The following FHAD1 variants were observed in gnomAD, a reference collection of about 807,000 sequenced individuals.
The protein encoded by FHAD1 is forkhead-associated domain-containing protein 1.
Under a neutral mutation model 191.3 loss-of-function variants are expected in FHAD1, and 146 were observed. That is an observed-to-expected ratio of 0.76 (90% CI 0.67 to 0.88). FHAD1 has a LOEUF of 0.88. FHAD1 is among the 40% of genes least tolerant of loss of function. The probability of loss-of-function intolerance (pLI) is 0.00; values close to 1 mark genes in which losing one functional copy is unlikely to be tolerated. For synonymous variants in FHAD1, 616 were observed against 672.3 expected, an observed-to-expected ratio of 0.92 and a Z score of 1.29; for missense variants, 1,635 against 1,785.8, an observed-to-expected ratio of 0.92 and a Z score of 1.52.
At chr1:15,245,720 AG>A (rs1316979799), upstream of FHAD1, among the ~76,000 whole-genome samples, 1 of 152,222 alleles carries the variant, frequency 6.6e-6, no homozygotes, top group Non-Finnish European at 1.5e-5. Flanking sequence ...AGAGATTTGT[AG>A]GGACAGGCTC....
rs892795714 is a variant in FHAD1, at chr1:15,302,189, C to T, written c.915+748C>T. Among the ~76,000 whole-genome samples the T allele has an allele frequency of 3.9e-5, 6 of 152,254 alleles. No homozygotes were observed. In the South Asian group the frequency reaches 8.3e-4, roughly 21 times the overall value. ...CCCACAATGCTGTCACTTCAGTAACCGCGTCTCACCCAAATCCAGCCCCAG... is the reference window on the plus strand; with the variant it reads ...CCCACAATGCTGTCACTTCAGTAACTGCGTCTCACCCAAATCCAGCCCCAG... On this transcript the variant is annotated intron_variant, in intron 6 of 33. Coordinates refer to ENST00000688493, the MANE Select transcript of FHAD1 (RefSeq NM_001391957.1).
rs1183338217 is a variant in FHAD1 at position 15,327,055 on chromosome 1, G to A, written c.1474-4G>A. 6.5e-6 allele frequency: 10 copies of A among 1,548,990 alleles called. No homozygotes were observed. The highest frequency in any genetic ancestry group is 3.3e-4 in the Middle Eastern group (2 of 5,984). On this transcript the variant is annotated splice_polypyrimidine_tract_variant and splice_region_variant and intron_variant, in intron 11 of 33. Coordinates refer to ENST00000688493, the MANE Select transcript of FHAD1 (RefSeq NM_001391957.1). This position sits in a 1 kb window ranked among gnomAD's most constrained non-coding sequence, Gnocchi z 5.1. ...CTGACACTGTTGCCCCCTCTCTGCT[G>A]CAGCTGGAGCACTTCAGAAGTCAAG...
intron 5 of FHAD1, 141 bp from the exon 6 acceptor site, chr1:15,301,064 A>T (rs1668578835): frequency 6.2e-6 from 4 of 649,444 alleles, no homozygotes; most frequent in Non-Finnish European, 1.0e-5. Context: ...TCCTGACCTC[A>T]GGCGATCCAC....
intron 31 of FHAD1, among the ~76,000 whole-genome samples, chr1:15,387,503 C>G (rs1702428175): frequency 1.3e-5 from 2 of 151,982 alleles, no homozygotes; most frequent in African/African-American, 4.8e-5. Flanking sequence ...AATCCTAACA[C>G]TTTGGGAGGC....
At chr1:15,245,017 A>G (rs986836996), upstream of FHAD1, among the ~76,000 whole-genome samples, 31 of 152,180 alleles carry the variant, frequency 2.0e-4, no homozygotes, top group Non-Finnish European at 3.8e-4. Context: ...AGATCACATG[A>G]TGAGAGAGGA....
intron 16 of FHAD1, among the ~76,000 whole-genome samples, chr1:15,344,095 C>G (rs757538471): frequency 3.3e-5 from 5 of 151,638 alleles, no homozygotes; most frequent in Non-Finnish European, 5.9e-5. Flanking sequence ...AACATCAGGT[C>G]CCTGCCAGAC....
At chr1:15,357,478 C>CCAGGCA (rs1455991341) in intron 20 of FHAD1, among the ~76,000 whole-genome samples, 4 of 152,070 alleles carry the variant, frequency 2.6e-5, no homozygotes, top group Admixed American at 6.6e-5. Flanking sequence ...CAAAAATTAG[C>CCAGGCA]TGGGTGTGGT....
At chr1:15,380,950 G>A (rs1700760548) in intron 29 of FHAD1, among the ~76,000 whole-genome samples, 154 bp downstream of exon 29, 1 of 152,196 alleles carries the variant, frequency 6.6e-6, no homozygotes, top group Non-Finnish European at 1.5e-5. Flanking sequence ...GCATGGGTCA[G>A]GAATCACATA....
intron 16 of FHAD1, among the ~76,000 whole-genome samples, chr1:15,344,207 T>C (rs376699481): frequency 6.6e-6 from 1 of 152,224 alleles, no homozygotes; most frequent in Non-Finnish European, 1.5e-5. Flanking sequence ...CAGTGCCAAG[T>C]GTCCTGACTA....
At chr1:15,241,908 A>G (rs371425402) in intron 1 of FHAD1, among the ~76,000 whole-genome samples, 8 of 152,278 alleles carry the variant, frequency 5.3e-5, no homozygotes, top group African/African-American at 1.9e-4. Flanking sequence ...GACAAAATGT[A>G]TATTTTCAAT....
At chr1:15,281,781 AAAAGG>A (rs1350274867) in intron 3 of FHAD1, among the ~76,000 whole-genome samples, 1 of 151,234 alleles carries the variant, frequency 6.6e-6, no homozygotes, top group African/African-American at 2.4e-5. Flanking sequence ...AAAAAAAAAA[AAAAGG>A]AGAGGGGAGG....
chr1:15,355,340 G>A (rs767429055), intron 20 of FHAD1, among the ~76,000 whole-genome samples: 1 of 152,162 alleles, frequency 6.6e-6, no homozygotes, highest in Non-Finnish European at 1.5e-5. Context: ...GGAAATACAA[G>A]TACAGTCAGG....
At position 15,293,611 on chromosome 1, in the gene FHAD1, A is replaced by G. The variant is rs556300347; in HGVS notation, c.569-3073A>G. ...CACGCACCTGTAATCCCAGCTACTC[A>G]GGAGGCTGAGGCAGGAGAATCGCTT... On this transcript the variant is annotated intron_variant, in intron 4 of 33. Transcript: ENST00000688493. 6.2e-3 allele frequency among the ~76,000 whole-genome samples: 940 copies of G among 152,006 alleles called. 9 individuals carry two copies. Among genetic ancestry groups the G allele is most frequent in the African/African-American group, 0.018 (756 of 41,436 alleles).
At chr1:15,372,580 G>C (rs944229594) in intron 26 of FHAD1, among the ~76,000 whole-genome samples, 5 of 152,148 alleles carry the variant, frequency 3.3e-5, no homozygotes, top group Non-Finnish European at 7.3e-5. Flanking sequence ...AACAGTGTCC[G>C]GCATGCAGCC....
Position 15,301,167 on chromosome 1 carries a change from C to A in FHAD1, c.679-38C>A, listed in dbSNP as rs188187202. 70 of 1,531,016 alleles carry A rather than the reference C, an allele frequency of 4.6e-5. No individual in the cohort carries two copies. The East Asian group carries it at 1.5e-3, about 32-fold the overall frequency. The allele number at this position is 1,531,016 out of a possible 1,614,324, so 94.8% of individuals were successfully genotyped here. A position where few individuals can be genotyped will look rare whatever the true frequency, so the allele number is the denominator to read the frequency against. ...TAATGGGCTCAGCCTCACACCTAGG[C>A]CCACACCTAGTAAGCCTCCCATCTG... On this transcript the variant is annotated intron_variant, in intron 5 of 33. Transcript: ENST00000688493.
rs1018437998 is a variant in FHAD1, at chr1:15,381,452, G to A, written c.4022+1G>A. 8.4e-6 allele frequency: 13 copies of A among 1,549,978 alleles called. No individual in the cohort carries two copies. The highest frequency in any genetic ancestry group is 1.1e-5 in the Non-Finnish European group (13 of 1,146,272). ...ATGAAAAGGACGTTGAACAGCTCAG[G>A]TACCTCGGCACCCCCATGTCCCCAC... On this transcript the variant is annotated splice_donor_variant, in intron 30 of 33. Coordinates refer to ENST00000688493, the MANE Select transcript of FHAD1 (RefSeq NM_001391957.1). LOFTEE classifies it high-confidence loss of function. This position sits in a 1 kb window ranked among gnomAD's most constrained non-coding sequence, Gnocchi z 4.6.
At chr1:15,374,729 C>A in intron 27 of FHAD1, 98 bp downstream of exon 27, 1 of 1,446,586 alleles carries the variant, frequency 6.9e-7, no homozygotes, top group Non-Finnish European at 9.3e-7. Flanking sequence ...TTATCTGCAT[C>A]ATCCCAGAAC....
chr1:15,339,649 C>T, intron 15 of FHAD1, 98 bp downstream of exon 15: 1 of 432,442 alleles, frequency 2.3e-6, no homozygotes, highest in Non-Finnish European at 4.1e-6. Context: ...TCTTTATCAG[C>T]TAGTCCAGTC....
At chr1:15,273,103 C>T (rs1167421642) in intron 3 of FHAD1, among the ~76,000 whole-genome samples, 1 of 152,222 alleles carries the variant, frequency 6.6e-6, no homozygotes, top group Non-Finnish European at 1.5e-5. Context: ...AGTAAAATTA[C>T]AGGTTCCCGG....
Sources: allele counts gnomAD v4.1 joint callset (sites outside exome capture counted in the v4.1 genomes callset), GRCh38; gene constraint gnomAD v4.1.1; non-coding constraint Gnocchi (gnomAD v3.1); transcripts MANE v1.5; gene names NCBI Gene and HGNC (gene_info 2026-07-23, HGNC 2026-07-21).